ZNF385D: variants seen among roughly 807,000 people sequenced by gnomAD.
ZNF385D encodes zinc finger protein 659.
ZNF385D carries 15 observed loss-of-function variants against 35.8 expected under a neutral mutation model. That is an observed-to-expected ratio of 0.42 (90% CI 0.28 to 0.64). The LOEUF is 0.64. Among genes scored for constraint, ZNF385D ranks in the 30% least tolerant of loss-of-function variants. The pLI, the probability that ZNF385D is intolerant of heterozygous loss-of-function variation, is 0.23. For missense variants in ZNF385D, 474 were observed against 494.6 expected, an observed-to-expected ratio of 0.96 and a Z score of 0.39; for synonymous variants, 212 against 186.8, an observed-to-expected ratio of 1.13 and a Z score of -1.10.
chr3:21,563,544 C>CATCTA (rs2063030879), intron 3 of ZNF385D, among the ~76,000 whole-genome samples: 1 of 152,138 alleles, frequency 6.6e-6, no homozygotes, highest in Non-Finnish European at 1.5e-5. Flanking sequence ...GTTTATGCCT[C>CATCTA]ATCTATTTCC....
intron 2 of ZNF385D, among the ~76,000 whole-genome samples, chr3:22,221,533 G>A (rs946693323): frequency 2.6e-5 from 4 of 152,118 alleles, no homozygotes; most frequent in Non-Finnish European, 5.9e-5. Context: ...ATGCACAGAG[G>A]CAATTTTGAT....
At chr3:21,499,436 T>C (rs566919741) in intron 4 of ZNF385D, among the ~76,000 whole-genome samples, 1 of 152,106 alleles carries the variant, frequency 6.6e-6, no homozygotes, top group East Asian at 1.9e-4. Flanking sequence ...ATTGATTACA[T>C]ATGAACACAA....
At chr3:22,257,244 A>G (rs540123263) in intron 2 of ZNF385D, among the ~76,000 whole-genome samples, 2 of 151,946 alleles carry the variant, frequency 1.3e-5, no homozygotes, top group African/African-American at 4.8e-5. Context: ...ATCACACCCA[A>G]GTCTCCTGGC....
At chr3:21,951,504 A>G (rs1023219431) in intron 3 of ZNF385D, among the ~76,000 whole-genome samples, 1 of 151,672 alleles carries the variant, frequency 6.6e-6, no homozygotes, top group South Asian at 2.1e-4. Context: ...AAACACAGAC[A>G]ATTTGACTTC....
At chr3:21,921,967 GA>G (rs1350997118) in intron 3 of ZNF385D, among the ~76,000 whole-genome samples, 7 of 152,168 alleles carry the variant, frequency 4.6e-5, no homozygotes, top group African/African-American at 1.7e-4. Context: ...AAAAATTGAG[GA>G]GGAAGCACTT....
At chr3:21,798,291 T>C (rs141743653) in intron 3 of ZNF385D, among the ~76,000 whole-genome samples, 83 of 152,316 alleles carry the variant, frequency 5.4e-4, no homozygotes, top group African/African-American at 1.9e-3. Context: ...GAAATCAAGA[T>C]GTCAGCTAGA....
chr3:21,645,895 C>T (rs2065737182), intron 2 of ZNF385D, among the ~76,000 whole-genome samples: 1 of 152,108 alleles, frequency 6.6e-6, no homozygotes, highest in Admixed American at 6.5e-5. Context: ...TACATTTTCA[C>T]CAGGAATGGT....
In ZNF385D at chr3:21,646,064, A is replaced by G. The variant is rs979790256; in HGVS notation, c.165+18822T>C. On this transcript the variant is annotated intron_variant, in intron 2 of 7. Coordinates refer to ENST00000281523, the MANE Select transcript of ZNF385D (RefSeq NM_024697.3). This position sits in a 1 kb window ranked among gnomAD's most constrained non-coding sequence, Gnocchi z 4.3. ...ATTTACAGGGAATGAGAAAATACCT[A>G]AAAAGAATGTGGAGGCTGAGGCCAA... 1.3e-5 allele frequency among the ~76,000 whole-genome samples: 2 copies of G among 152,194 alleles called. No individual in the cohort carries two copies. Among genetic ancestry groups the G allele is most frequent in the African/African-American group, 4.8e-5 (2 of 41,466 alleles).
chr3:21,477,763 A>C (rs982553525), intron 4 of ZNF385D, among the ~76,000 whole-genome samples: 1 of 152,112 alleles, frequency 6.6e-6, no homozygotes, highest in Admixed American at 6.6e-5. Flanking sequence ...CTGATGTCCC[A>C]AAAATCTGTG....
chr3:22,359,657 G>A (rs7649867), intron 2 of ZNF385D, among the ~76,000 whole-genome samples: 3 of 151,668 alleles, frequency 2.0e-5, no homozygotes, highest in African/African-American at 7.2e-5. Context: ...TTGGTATTGA[G>A]AGACAGTCAT....
intron 3 of ZNF385D, among the ~76,000 whole-genome samples, chr3:22,011,428 T>G (rs1696568164): frequency 6.6e-6 from 1 of 152,158 alleles, no homozygotes; most frequent in African/African-American, 2.4e-5. Context: ...ATTATTCATT[T>G]CTTCACACTG....
At chr3:21,925,337 A>G (rs1170699179) in intron 3 of ZNF385D, among the ~76,000 whole-genome samples, 1 of 152,176 alleles carries the variant, frequency 6.6e-6, no homozygotes, top group Non-Finnish European at 1.5e-5. Flanking sequence ...ACAGACCCAC[A>G]CAAACATGCC....
intron 2 of ZNF385D, among the ~76,000 whole-genome samples, chr3:21,597,701 G>A (rs577605057): frequency 8.6e-4 from 131 of 152,278 alleles, no homozygotes; most frequent in African/African-American, 2.9e-3. Context: ...CAGCCAAATG[G>A]GGGTTTTGTG....
chr3:22,015,460 T>G (rs1219504447), intron 3 of ZNF385D, among the ~76,000 whole-genome samples: 1 of 152,112 alleles, frequency 6.6e-6, no homozygotes, highest in Non-Finnish European at 1.5e-5. Context: ...CCACCATCCT[T>G]GGGCAGCCCC....
chr3:22,263,328 T>G (rs537685233), intron 2 of ZNF385D, among the ~76,000 whole-genome samples: 88 of 152,122 alleles, frequency 5.8e-4, no homozygotes, highest in African/African-American at 2.0e-3. Flanking sequence ...ACTTTCCAAC[T>G]TTCTGCTTCC....
At chr3:21,672,220 T>C (rs1276914665) in intron 1 of ZNF385D, among the ~76,000 whole-genome samples, 2 of 152,186 alleles carry the variant, frequency 1.3e-5, no homozygotes, top group East Asian at 1.9e-4. Flanking sequence ...TTTAGTATGA[T>C]TTGGTAACCA....
chr3:21,540,104 C>T (rs1170725069), intron 3 of ZNF385D, among the ~76,000 whole-genome samples: 4 of 152,078 alleles, frequency 2.6e-5, no homozygotes, highest in Non-Finnish European at 4.4e-5. Flanking sequence ...GAATATTCAT[C>T]GAAGTATAAT....
chr3:21,644,949 A>G (rs187040891), intron 2 of ZNF385D, among the ~76,000 whole-genome samples: 16 of 152,292 alleles, frequency 1.1e-4, no homozygotes, highest in African/African-American at 3.8e-4. Context: ...ATGACACTCA[A>G]AACTGATTGC....
chr3:22,120,393 C>T (rs774169029), intron 3 of ZNF385D, among the ~76,000 whole-genome samples: 1 of 152,082 alleles, frequency 6.6e-6, no homozygotes, highest in African/African-American at 2.4e-5. Flanking sequence ...CTTATGAGGA[C>T]ACCAGTCATG....
Sources: gnomAD v4.1 joint callset for allele counts (sites outside exome capture counted in the v4.1 genomes callset) on GRCh38, gnomAD v4.1.1 for gene constraint, Gnocchi (gnomAD v3.1) non-coding constraint, MANE v1.5 for transcripts, NCBI Gene and HGNC (gene_info 2026-07-23, HGNC 2026-07-21) for gene names.